SEPTIN9: variants seen among roughly 807,000 people sequenced by gnomAD.
SEPTIN9 encodes septin-9.
A neutral mutation model predicts 56.6 loss-of-function variants in SEPTIN9; 13 were observed. That is an observed-to-expected ratio of 0.23 (90% CI 0.15 to 0.37). The LOEUF (loss-of-function observed/expected upper bound fraction) is 0.37. SEPTIN9 is among the 10% of genes least tolerant of loss of function. The pLI is 1.00. For missense variants in SEPTIN9, 650 were observed against 823.1 expected, an observed-to-expected ratio of 0.79 and a Z score of 2.57; for synonymous variants, 332 against 334.1, an observed-to-expected ratio of 0.99 and a Z score of 0.07.
At chr17:77,471,963 G>GC (rs368975712) in intron 3 of SEPTIN9, among the ~76,000 whole-genome samples, 104 of 151,060 alleles carry the variant, frequency 6.9e-4, no homozygotes, top group African/African-American at 2.1e-3. Context: ...ATATAAAATA[G>GC]CCCCCCCCAC....
intron 3 of SEPTIN9, among the ~76,000 whole-genome samples, chr17:77,448,198 C>G (rs924252509): frequency 6.6e-6 from 1 of 152,094 alleles, no homozygotes; most frequent in Non-Finnish European, 1.5e-5. Context: ...CGAGGATGGG[C>G]GTGGTGGCTC....
intron 1 of SEPTIN9, among the ~76,000 whole-genome samples, chr17:77,283,292 G>A (rs574221079): frequency 6.6e-6 from 1 of 152,202 alleles, no homozygotes; most frequent in South Asian, 2.1e-4. Flanking sequence ...AAAGGGGCAG[G>A]CCCCTCTGAG....
intron 3 of SEPTIN9, chr17:77,444,636 A>T (rs2037668485): frequency 6.1e-6 from 1 of 162,946 alleles, no homozygotes; most frequent in African/African-American, 2.4e-5. Flanking sequence ...GACCCTTGGG[A>T]GCTATCTAGA....
Position 77,475,616 on chromosome 17 carries a change from G to A in SEPTIN9, c.722-6528G>A. 6.2e-7 allele frequency: 1 copy of A among 1,613,760 alleles called. No individual in the cohort carries two copies. The highest frequency in any genetic ancestry group is 1.1e-5 in the South Asian group (1 of 91,082). On this transcript the variant is annotated intron_variant, in intron 3 of 11. Coordinates refer to ENST00000427177, the MANE Select transcript of SEPTIN9 (RefSeq NM_001113491.2). The surrounding 1 kb of genome is among the most constrained non-coding windows in gnomAD (Gnocchi z 4.6). Reference sequence around the variant, plus strand: ...GATTCAGGGGAGCCTGCAGAGGGAGGGCAGCTGGAGGCTGCTCCAGTGTGC... The same window carrying A: ...GATTCAGGGGAGCCTGCAGAGGGAGAGCAGCTGGAGGCTGCTCCAGTGTGC...
In SEPTIN9 at chr17:77,434,927, C is replaced by T. The variant is rs2037282724; in HGVS notation, c.721+32224C>T. Among the ~76,000 whole-genome samples, 1 of 152,158 alleles carries T rather than the reference C, an allele frequency of 6.6e-6. No individual in the cohort carries two copies. The highest frequency in any genetic ancestry group is 1.5e-5 in the Non-Finnish European group (1 of 68,016). ...AGGCGCTGCAGGGGAGCAGAGACCTCACCCTTCCTCTGCCGACATCAGGCT... is the reference window on the plus strand; with the variant it reads ...AGGCGCTGCAGGGGAGCAGAGACCTTACCCTTCCTCTGCCGACATCAGGCT... On this transcript the variant is annotated intron_variant, in intron 3 of 11. Coordinates refer to ENST00000427177, the MANE Select transcript of SEPTIN9 (RefSeq NM_001113491.2). This position sits in a 1 kb window ranked among gnomAD's most constrained non-coding sequence, Gnocchi z 5.0.
In SEPTIN9 at chr17:77,285,601, A is replaced by G. The variant is rs931415577; in HGVS notation, c.19+4047A>G. Among the ~76,000 whole-genome samples the G allele has an allele frequency of 2.0e-5, 3 of 151,692 alleles. No individual in the cohort carries two copies. The East Asian group carries it at 5.8e-4, about 29-fold the overall frequency. ...TTTAGTAGAGATGGGGTTTTACCATACTGGCCAGGCTGGTCTCGAACTCCG... is the reference window on the plus strand; with the variant it reads ...TTTAGTAGAGATGGGGTTTTACCATGCTGGCCAGGCTGGTCTCGAACTCCG... On this transcript the variant is annotated intron_variant, in intron 1 of 11. Coordinates refer to ENST00000427177, the MANE Select transcript of SEPTIN9 (RefSeq NM_001113491.2).
intron 2 of SEPTIN9, among the ~76,000 whole-genome samples, chr17:77,334,658 C>T (rs2033476518): frequency 6.6e-6 from 1 of 152,014 alleles, no homozygotes; most frequent in Admixed American, 6.6e-5. Flanking sequence ...TCTTTGCCTA[C>T]ACTAAGGTCA....
intron 3 of SEPTIN9, among the ~76,000 whole-genome samples, chr17:77,426,505 G>A (rs2036917936): frequency 1.3e-5 from 2 of 152,054 alleles, no homozygotes; most frequent in Non-Finnish European, 2.9e-5. Flanking sequence ...GAGACCCTAC[G>A]TCACCTGGCC....
chr17:77,410,492 T>C (rs1203714719), intron 3 of SEPTIN9, among the ~76,000 whole-genome samples: 2 of 152,206 alleles, frequency 1.3e-5, no homozygotes, highest in African/African-American at 2.4e-5. Context: ...GGTTAAGATA[T>C]AGACTCCTGT....
chr17:77,345,853 G>A (rs1474579988), intron 2 of SEPTIN9, among the ~76,000 whole-genome samples: 1 of 152,196 alleles, frequency 6.6e-6, no homozygotes, highest in African/African-American at 2.4e-5. Context: ...CACGGAGCGG[G>A]GCCTGGCAGG....
In SEPTIN9 at chr17:77,319,156, G is replaced by A. The variant is rs572219006; in HGVS notation, c.76+11959G>A. On this transcript the variant is annotated intron_variant, in intron 2 of 11. Coordinates refer to ENST00000427177, the MANE Select transcript of SEPTIN9 (RefSeq NM_001113491.2). This position sits in a 1 kb window ranked among gnomAD's most constrained non-coding sequence, Gnocchi z 5.3. ...GCTTGGGCCAACAGAACCAGCCTCC[G>A]TGTCTCGGGTTTGAATGAACCCTTG... Among the ~76,000 whole-genome samples, 36 of 152,306 alleles carry A rather than the reference G, an allele frequency of 2.4e-4. No homozygotes were observed. Among genetic ancestry groups the A allele is most frequent in the African/African-American group, 7.7e-4 (32 of 41,554 alleles).
chr17:77,365,495 A>C (rs560960542), intron 2 of SEPTIN9, among the ~76,000 whole-genome samples: 14 of 152,038 alleles, frequency 9.2e-5, no homozygotes, highest in Non-Finnish European at 1.6e-4. Flanking sequence ...AGATAGAATG[A>C]ATGGCATAGG....
At chr17:77,350,037 G>C (rs1307206931) in intron 2 of SEPTIN9, among the ~76,000 whole-genome samples, 1 of 152,232 alleles carries the variant, frequency 6.6e-6, no homozygotes, top group African/African-American at 2.4e-5. Flanking sequence ...CTAGACCAGG[G>C]TGGTGACTGC....
chr17:77,292,137 G>C (rs1406326675), intron 1 of SEPTIN9, among the ~76,000 whole-genome samples: 2 of 152,100 alleles, frequency 1.3e-5, no homozygotes, highest in African/African-American at 4.8e-5. Flanking sequence ...ATGTCTCTTT[G>C]TTTTCTTGGG....
intron 3 of SEPTIN9, among the ~76,000 whole-genome samples, chr17:77,414,654 T>C (rs531941480): frequency 6.7e-6 from 1 of 148,762 alleles, no homozygotes; most frequent in African/African-American, 2.5e-5. Flanking sequence ...CTCTGCTCAC[T>C]GCAACCTCCA....
rs1250330004 is a variant in SEPTIN9, at chr17:77,492,242, G to A, written c.1381-379G>A. 1.3e-5 allele frequency among the ~76,000 whole-genome samples: 2 copies of A among 152,130 alleles called. No homozygotes were observed. The highest frequency in any genetic ancestry group is 1.3e-4 in the Admixed American group (2 of 15,278). ...GCTGGCAGGGAGCTGAGAGGTTACT[G>A]CAGGCGGGGCCCCTGCTGGAACTGG... On this transcript the variant is annotated intron_variant, in intron 8 of 11. Coordinates refer to ENST00000427177, the MANE Select transcript of SEPTIN9 (RefSeq NM_001113491.2). This position sits in a 1 kb window ranked among gnomAD's most constrained non-coding sequence, Gnocchi z 5.4.
intron 3 of SEPTIN9, among the ~76,000 whole-genome samples, chr17:77,452,381 C>T (rs1014152660): frequency 1.3e-4 from 20 of 152,224 alleles, no homozygotes; most frequent in African/African-American, 4.8e-4. Flanking sequence ...GCTCCTGAAA[C>T]GCCGTCCCAG....
Position 77,421,374 on chromosome 17 carries a change from C to T in SEPTIN9, c.721+18671C>T, listed in dbSNP as rs568694695. On this transcript the variant is annotated intron_variant, in intron 3 of 11. Transcript: ENST00000427177. The surrounding 1 kb of genome is among the most constrained non-coding windows in gnomAD (Gnocchi z 4.6). ...CTGCCAGGAGCTCATCTTTCTCTGT[C>T]TCCTCCCCCTGCCGCCTCTCCCCAC... Among the ~76,000 whole-genome samples the T allele has an allele frequency of 1.3e-5, 2 of 152,302 alleles. No homozygotes were observed. Among genetic ancestry groups the T allele is most frequent in the South Asian group, 4.1e-4 (2 of 4,826 alleles).
intron 2 of SEPTIN9, among the ~76,000 whole-genome samples, chr17:77,398,360 G>A (rs1008690474): frequency 3.9e-5 from 6 of 152,166 alleles, no homozygotes; most frequent in Non-Finnish European, 5.9e-5. Flanking sequence ...CCGGGGAGCC[G>A]GAACACACCC....
Sources: gnomAD v4.1 joint callset for allele counts (sites outside exome capture counted in the v4.1 genomes callset) on GRCh38, gnomAD v4.1.1 for gene constraint, Gnocchi (gnomAD v3.1) non-coding constraint, MANE v1.5 for transcripts, NCBI Gene and HGNC (gene_info 2026-07-23, HGNC 2026-07-21) for gene names.